INTS2: variants seen among roughly 807,000 people sequenced by gnomAD.
INTS2 encodes KIAA1287.
INTS2 carries 57 observed loss-of-function variants against 139.6 expected under a neutral mutation model. That is an observed-to-expected ratio of 0.41 (90% CI 0.33 to 0.51). The LOEUF (loss-of-function observed/expected upper bound fraction) is 0.51, where lower values mean the gene tolerates loss of function less well. INTS2 is among the 20% of genes least tolerant of loss of function. INTS2 has a pLI of 0.28. For synonymous variants in INTS2, 473 were observed against 493.4 expected, an observed-to-expected ratio of 0.96 and a Z score of 0.55; for missense variants, 1,196 against 1,436.7, an observed-to-expected ratio of 0.83 and a Z score of 2.71.
intron 5 of INTS2, among the ~76,000 whole-genome samples, chr17:61,915,862 G>A (rs1484215495): frequency 2.0e-5 from 3 of 147,526 alleles, no homozygotes; most frequent in Non-Finnish European, 4.5e-5. Context: ...ACAAACAAAT[G>A]GAAAAACATT....
chr17:61,910,844 G>A (rs1310857145), intron 7 of INTS2: 2 of 152,058 alleles, frequency 1.3e-5, no homozygotes, highest in Admixed American at 1.3e-4. Context: ...TATGCTTTCA[G>A]GGGGTCTGGA....
intron 17 of INTS2, among the ~76,000 whole-genome samples, chr17:61,879,582 G>C (rs2079159630): frequency 6.6e-6 from 1 of 152,180 alleles, no homozygotes; most frequent in Admixed American, 6.5e-5. Context: ...CAGGCACGGT[G>C]GTTCATGCTT....
chr17:61,924,649 G>A (rs2079689490), intron 3 of INTS2, among the ~76,000 whole-genome samples: 1 of 152,082 alleles, frequency 6.6e-6, no homozygotes, highest in African/African-American at 2.4e-5. Flanking sequence ...TCAACATGGT[G>A]AAACCCCATT....
In INTS2 at chr17:61,915,686, C is replaced by T. The variant is rs910449804; in HGVS notation, c.650-3616G>A. 2.0e-5 allele frequency among the ~76,000 whole-genome samples: 3 copies of T among 149,760 alleles called. 1 individual carries two copies. Among genetic ancestry groups the T allele is most frequent in the African/African-American group, 7.3e-5 (3 of 40,838 alleles). ...AAAAAAAAAAAATACAAAAAATTAGCCGGGCGTGGTGGCGGGTGCCTGTAG... is the reference window on the plus strand; with the variant it reads ...AAAAAAAAAAAATACAAAAAATTAGTCGGGCGTGGTGGCGGGTGCCTGTAG... On this transcript the variant is annotated intron_variant, in intron 5 of 24. Transcript: ENST00000251334.
rs758843156 is a variant in INTS2 at position 61,881,120 on chromosome 17, C to T, written c.2141G>A (p.Cys714Tyr). ...RLLATNYPHLCIVDDWICEEE... is the reference protein window; with the variant it reads ...RLLATNYPHLYIVDDWICEEE... ...TTCACAAATCCAGTCATCCACAATA[C>T]ATAAATGTGGGTAGTTAGTAGCAAG... The change falls in exon 17 of 25, where the codon TGT becomes TAT. Residue 714 changes from cysteine to tyrosine, a missense_variant. By Grantham distance (194) the Cys-to-Tyr change is radical (BLOSUM62 -2). Transcript: ENST00000251334. 6.2e-7 allele frequency: 1 copy of T among 1,612,526 alleles called. No homozygotes were observed. The highest frequency in any genetic ancestry group is 8.5e-7 in the Non-Finnish European group (1 of 1,178,672).
At chr17:61,917,551 T>C (rs2079595296) in intron 5 of INTS2, among the ~76,000 whole-genome samples, 1 of 152,198 alleles carries the variant, frequency 6.6e-6, no homozygotes, top group Admixed American at 6.5e-5. Context: ...TACCACATGT[T>C]CTCACTATAA....
At chr17:61,925,144 G>A in intron 2 of INTS2, 45 bp from the exon 3 acceptor site, 1 of 1,514,256 alleles carries the variant, frequency 6.6e-7, no homozygotes, top group South Asian at 1.1e-5. Flanking sequence ...ACACTGATAT[G>A]GAAATAATTG....
intron 19 of INTS2, among the ~76,000 whole-genome samples, chr17:61,874,435 T>C (rs2079111934): frequency 6.6e-6 from 1 of 152,224 alleles, no homozygotes; most frequent in South Asian, 2.1e-4. Context: ...ATTCTACCTT[T>C]TGAGATGAAG....
At position 61,919,454 on chromosome 17, in the gene INTS2, C is replaced by A; in HGVS notation, c.595G>T (p.Gly199Cys). 6.2e-7 allele frequency: 1 copy of A among 1,603,194 alleles called. No individual in the cohort carries two copies. The highest frequency in any genetic ancestry group is 8.5e-7 in the Non-Finnish European group (1 of 1,174,460). Residue 199 changes from glycine to cysteine, a missense_variant, in exon 5 of 25, where the codon GGT (glycine) becomes TGT (cysteine). Physicochemically the swap from Gly to Cys is radical, Grantham distance 159. Transcript: ENST00000251334. ...VAEALLHVRN[G>C]AWFLCLLVAN... ...ACCAAGAGACACAAGAACCAGGCACCATTTCTAACATGTAGCAAAGCTTCA... is the reference window on the plus strand; with the variant it reads ...ACCAAGAGACACAAGAACCAGGCACAATTTCTAACATGTAGCAAAGCTTCA...
chr17:61,916,795 A>G (rs549006732), intron 5 of INTS2, among the ~76,000 whole-genome samples: 8 of 152,334 alleles, frequency 5.3e-5, no homozygotes, highest in African/African-American at 1.9e-4. Flanking sequence ...AAAAATTGAC[A>G]AGTGTGACCT....
chr17:61,893,125 T>A lies in INTS2; in HGVS notation c.1698+640A>T, dbSNP rs2079313084. On this transcript the variant is annotated intron_variant, in intron 13 of 24. Transcript: ENST00000251334. This position sits in a 1 kb window ranked among gnomAD's most constrained non-coding sequence, Gnocchi z 5.4. ...CTGTCTTTAAAATTAAAAAAAAAAA[T>A]TAGAAAATGGCAGTTTCTAAGTTTT... Among the ~76,000 whole-genome samples the A allele has an allele frequency of 3.3e-5, 5 of 151,486 alleles. No individual in the cohort carries two copies.
In INTS2 at chr17:61,889,283, C is replaced by T. The variant is rs185810542; in HGVS notation, c.1984+503G>A. Among the ~76,000 whole-genome samples the T allele has an allele frequency of 4.1e-4, 63 of 152,122 alleles. No homozygotes were observed. In the East Asian group the frequency reaches 0.011, roughly 26 times the overall value. ...TGTATTTTTAGTAGAGACGGGGTTTCGCCATGTTGACCAGGCTGGTCTCGA... is the reference window on the plus strand; with the variant it reads ...TGTATTTTTAGTAGAGACGGGGTTTTGCCATGTTGACCAGGCTGGTCTCGA... On this transcript the variant is annotated intron_variant, in intron 15 of 24. Transcript: ENST00000251334.
chr17:61,920,214 T>C (rs2079625360), intron 4 of INTS2, among the ~76,000 whole-genome samples: 1 of 146,596 alleles, frequency 6.8e-6, no homozygotes. Flanking sequence ...GAAGTCTCGC[T>C]TTTGTCCCCC....
At chr17:61,899,867 G>A (rs1051889133) in intron 9 of INTS2, among the ~76,000 whole-genome samples, 2 of 150,416 alleles carry the variant, frequency 1.3e-5, no homozygotes, top group Non-Finnish European at 2.9e-5. Context: ...AGCCCTGATC[G>A]TGCCACTGGA....
rs1192909494 is a variant in INTS2, at chr17:61,909,927, C to T, written c.954+1593G>A. On this transcript the variant is annotated intron_variant, in intron 7 of 24. Coordinates refer to ENST00000251334, the MANE Select transcript of INTS2 (RefSeq NM_001351695.2). The surrounding 1 kb of genome is among the most constrained non-coding windows in gnomAD (Gnocchi z 4.9). ...TGCTTAGGTTGATTCCATAACATTG[C>T]TACTGTGAATAGTGCTGAAATAAAC... 6.6e-6 allele frequency among the ~76,000 whole-genome samples: 1 copy of T among 151,492 alleles called. No homozygotes were observed. The highest frequency in any genetic ancestry group is 1.5e-5 in the Non-Finnish European group (1 of 67,930).
Position 61,874,963 on chromosome 17 carries a change from G to A in INTS2, c.2532C>T (p.Asp844=). ...FVRQQKYTQN[D]LMIDPLIVLR... is the part of the protein sequence containing the mutation. Reference sequence around the variant, plus strand: ...GGACAATGAGAGGATCTATCATCAGGTCATTCTGAGTATACTTTTGTTGTC... The same window carrying A: ...GGACAATGAGAGGATCTATCATCAGATCATTCTGAGTATACTTTTGTTGTC... The change falls in exon 19 of 25, where the codon GAC becomes GAT. Residue 844 remains aspartate (D), a synonymous_variant. Transcript: ENST00000251334. The A allele has an allele frequency of 3.1e-6, 5 of 1,597,020 alleles. No homozygotes were observed. The highest frequency in any genetic ancestry group is 4.3e-6 in the Non-Finnish European group (5 of 1,170,450).
chr17:61,869,841 C>G lies in INTS2; in HGVS notation c.2926G>C (p.Asp976His). The stretch of plus-strand genomic sequence containing the variant: ...TCTCGAAGGTTACAGAGCAAATTGT[C>G]TTCTCCTTCCTCCATTCCCTTATTT... ...APNKGMEEGE[D>H]NLLCNLREVQ... Residue 976 changes from aspartate (D) to histidine (H), a missense_variant, in exon 21 of 25, where the codon GAC becomes CAC. By Grantham distance (81) the Asp-to-His change is moderately conservative. This residue lies in a region of INTS2 where 1,129 missense variants were observed against 1,341.9 expected (regional missense o/e 0.84). Coordinates refer to ENST00000251334, the MANE Select transcript of INTS2 (RefSeq NM_001351695.2). This position sits in a 1 kb window ranked among gnomAD's most constrained non-coding sequence, Gnocchi z 5.4. 1 of 1,613,906 alleles carries G rather than the reference C, an allele frequency of 6.2e-7. No homozygotes were observed. Among genetic ancestry groups the G allele is most frequent in the Non-Finnish European group, 8.5e-7 (1 of 1,179,832 alleles).
chr17:61,884,800 T>C (rs2079210617), intron 16 of INTS2, 101 bp downstream of exon 16: 4 of 752,390 alleles, frequency 5.3e-6, no homozygotes, highest in South Asian at 1.6e-5. Context: ...CTTGAACTGT[T>C]TGAATTTTTA....
intron 2 of INTS2, 28 bp downstream of exon 2, chr17:61,926,324 A>G (rs2079713004): frequency 4.6e-6 from 7 of 1,513,124 alleles, no homozygotes; most frequent in Non-Finnish European, 6.2e-6. Flanking sequence ...TCAAATCCAA[A>G]TCCACATATA....
Sources: gnomAD v4.1 joint callset for allele counts (sites outside exome capture counted in the v4.1 genomes callset) on GRCh38, gnomAD v4.1.1 for gene constraint, gnomAD v4.1.1 regional missense constraint, Gnocchi (gnomAD v3.1) non-coding constraint, MANE v1.5 for transcripts, NCBI Gene and HGNC (gene_info 2026-07-23, HGNC 2026-07-21) for gene names.